The following ALPK3 variants were observed in gnomAD, a reference collection of about 807,000 sequenced individuals.
ALPK3 encodes the protein alpha kinase 3, also known as alpha-protein kinase 3.
Under a neutral mutation model 140.0 loss-of-function variants are expected in ALPK3, and 102 were observed. The observed-to-expected ratio is 0.73, with a 90% CI of 0.62 to 0.86. ALPK3 has a LOEUF of 0.86. ALPK3 is among the 40% of genes least tolerant of loss of function. The pLI, the probability that ALPK3 is intolerant of heterozygous loss-of-function variation, is 0.00. For synonymous variants in ALPK3, 938 were observed against 898.5 expected, an observed-to-expected ratio of 1.04 and a Z score of -0.79; for missense variants, 2,254 against 2,208.2, an observed-to-expected ratio of 1.02 and a Z score of -0.42.
Position 84,860,055 on chromosome 15 carries a change from C to T in ALPK3, c.4112C>T (p.Ser1371Phe). ...TATCTAGTGTTGTCAGGATTCATCT[C>T]CAGAGAAGAAGGTGAAGGTATGGTT... ...LSPEVLSGFI[S>F]REEGEVGEEI... Residue 1371 changes from serine to phenylalanine, a missense_variant, in exon 9 of 14, where the codon TCC (serine) becomes TTC (phenylalanine). Coordinates refer to ENST00000258888, the MANE Select transcript of ALPK3 (RefSeq NM_020778.5). 6.2e-7 allele frequency: 1 copy of T among 1,614,118 alleles called. No homozygotes were observed. Among genetic ancestry groups the T allele is most frequent in the Non-Finnish European group, 8.5e-7 (1 of 1,180,010 alleles).
intron 5 of ALPK3, among the ~76,000 whole-genome samples, chr15:84,849,896 C>T (rs1963781503): frequency 6.8e-6 from 1 of 146,350 alleles, no homozygotes; most frequent in Non-Finnish European, 1.5e-5. Context: ...TAGAAAAGAA[C>T]AGAAAATAAT....
At chr15:84,829,529 C>T (rs1030414769) in intron 3 of ALPK3, among the ~76,000 whole-genome samples, 2 of 152,060 alleles carry the variant, frequency 1.3e-5, no homozygotes, top group South Asian at 2.1e-4. Context: ...AGGGCGACTC[C>T]GTTTCTGTAA....
chr15:84,859,431 A>G (rs1206534406), intron 7 of ALPK3, 41 bp downstream of exon 7: 2 of 1,610,626 alleles, frequency 1.2e-6, no homozygotes, highest in South Asian at 2.2e-5. Flanking sequence ...TGGCTCCCTG[A>G]TTGCAGTAAT....
At chr15:84,860,144 C>A in intron 9 of ALPK3, 72 bp downstream of exon 9, 1 of 1,561,914 alleles carries the variant, frequency 6.4e-7, no homozygotes, top group South Asian at 1.1e-5. Flanking sequence ...TCTTTAAGGG[C>A]TTGGAATCTG....
intron 9 of ALPK3, among the ~76,000 whole-genome samples, chr15:84,860,458 T>C (rs1335867976): frequency 6.6e-6 from 1 of 152,146 alleles, no homozygotes; most frequent in East Asian, 1.9e-4. Context: ...TGGTCCCTGC[T>C]GCACTGCAGA....
chr15:84,837,824 T>G (rs1963612051), intron 3 of ALPK3, among the ~76,000 whole-genome samples: 1 of 152,238 alleles, frequency 6.6e-6, no homozygotes, highest in Non-Finnish European at 1.5e-5. Context: ...CATCTCTCAC[T>G]GTAGTGTTTG....
intron 5 of ALPK3, among the ~76,000 whole-genome samples, chr15:84,846,045 G>C (rs561591465): frequency 5.3e-5 from 8 of 152,044 alleles, no homozygotes; most frequent in African/African-American, 1.7e-4. Context: ...TCCAGCCTGG[G>C]TGACAGAGTA....
At chr15:84,822,654 G>A (rs1963440630) in intron 1 of ALPK3, among the ~76,000 whole-genome samples, 1 of 152,116 alleles carries the variant, frequency 6.6e-6, no homozygotes, top group South Asian at 2.1e-4. Context: ...TCCTGTGTGG[G>A]TCCTCATCCT....
At position 84,870,894 on chromosome 15, in the gene ALPK3, G is replaced by A. The variant is rs998025696; in HGVS notation, c.*2438G>A. 3 of 152,172 alleles carry A rather than the reference G, an allele frequency of 2.0e-5. No homozygotes were observed. The highest frequency in any genetic ancestry group is 4.8e-5 in the African/African-American group (2 of 41,410). 9.4% of individuals were successfully genotyped at this position (152,172 alleles called of 1,614,324 possible). On this transcript the variant is annotated 3_prime_UTR_variant, in exon 14 of 14. Coordinates refer to ENST00000258888, the MANE Select transcript of ALPK3 (RefSeq NM_020778.5). ...CACACGTGCTGTTCTCCCATCTCAC[G>A]TATGACGACTCTCCCACAGGTAACC...
chr15:84,823,448 G>T, intron 2 of ALPK3, 80 bp downstream of exon 2: 3 of 1,516,954 alleles, frequency 2.0e-6, no homozygotes, highest in Non-Finnish European at 9.1e-7. Context: ...GTGTCTGCTC[G>T]TGCACTAACC....
At chr15:84,832,081 G>T (rs1443361689) in intron 3 of ALPK3, among the ~76,000 whole-genome samples, 2 of 152,196 alleles carry the variant, frequency 1.3e-5, no homozygotes, top group Non-Finnish European at 2.9e-5. Context: ...CTGTGGTGGG[G>T]AAGGAGCAGT....
intron 5 of ALPK3, among the ~76,000 whole-genome samples, chr15:84,848,409 A>T (rs930575145): frequency 6.6e-6 from 1 of 152,168 alleles, no homozygotes; most frequent in East Asian, 1.9e-4. Flanking sequence ...TAGACTGTGG[A>T]GAGTTAAGTA....
chr15:84,820,752 G>A (rs1258995721), intron 1 of ALPK3, among the ~76,000 whole-genome samples: 1 of 152,156 alleles, frequency 6.6e-6, no homozygotes, highest in African/African-American at 2.4e-5. Context: ...AAAGTGCTGG[G>A]ATTACAGGCA....
chr15:84,857,103 A>T lies in ALPK3; in HGVS notation c.2365A>T (p.Thr789Ser). ...AACAGCCTCCAGGAACCATGAGCAA[A>T]CTGTGCTGGGTCCCCTGTCAGGGAA... Reference protein sequence around the residue: ...VVTASRNHEQTVLGPLSGNLM... With the variant: ...VVTASRNHEQSVLGPLSGNLM... The change falls in exon 6 of 14, where the codon ACT becomes TCT. Residue 789 changes from threonine (T) to serine (S), a missense_variant. Transcript: ENST00000258888. 5.6e-6 allele frequency: 9 copies of T among 1,614,152 alleles called. No homozygotes were observed. Among genetic ancestry groups the T allele is most frequent in the Middle Eastern group, 1.6e-4 (1 of 6,062 alleles).
Position 84,827,547 on chromosome 15 carries a change from G to A in ALPK3, c.246G>A (p.Thr82=), listed in dbSNP as rs762694867. Residue 82 remains threonine, a synonymous_variant, in exon 3 of 14, where the codon ACG becomes ACA. Coordinates refer to ENST00000258888, the MANE Select transcript of ALPK3 (RefSeq NM_020778.5). ...TEETQPLFET[T]LKSRSVSEDS... is the part of the protein sequence containing the mutation. ...AGACCCAGCCGCTATTTGAGACCAC[G>A]CTCAAGTCCCGGTCTGTGTCCGAGG... 1.4e-5 allele frequency: 23 copies of A among 1,614,054 alleles called. No homozygotes were observed. Among genetic ancestry groups the A allele is most frequent in the Non-Finnish European group, 1.8e-5 (21 of 1,180,034 alleles).
At chr15:84,860,833 G>A (rs758526086) in intron 9 of ALPK3, among the ~76,000 whole-genome samples, 3 of 152,162 alleles carry the variant, frequency 2.0e-5, no homozygotes, top group Admixed American at 6.5e-5. Context: ...AGCAATTCTC[G>A]TGCCTCAGCC....
chr15:84,857,389 G>A lies in ALPK3; in HGVS notation c.2651G>A (p.Cys884Tyr), dbSNP rs369776342. 2 of 1,614,006 alleles carry A rather than the reference G, an allele frequency of 1.2e-6. No individual in the cohort carries two copies. Among genetic ancestry groups the A allele is most frequent in the Admixed American group, 1.7e-5 (1 of 60,014 alleles). ...ACAGCTAGCCCAAAGGCGGGGCCGT[G>A]TAGCACCCCGACTTCTCAGCACGGG... is the stretch of plus-strand genomic sequence containing the variant. ...GLTASPKAGP[C>Y]STPTSQHGST... The change falls in exon 6 of 14, where the codon TGT (cysteine) becomes TAT (tyrosine). Residue 884 changes from cysteine (C) to tyrosine (Y), a missense_variant. By Grantham distance (194) the Cys-to-Tyr change is radical (BLOSUM62 -2). Around this residue, in one of 3 missense-constraint regions of ALPK3, gnomAD observed 2,088 missense variants for 2,022.9 expected, o/e 1.03. Coordinates refer to ENST00000258888, the MANE Select transcript of ALPK3 (RefSeq NM_020778.5).
chr15:84,847,236 A>AGAGAGAGAGAGAGAGAGAGAGAGG (rs1963742788), intron 5 of ALPK3, among the ~76,000 whole-genome samples: 1 of 151,414 alleles, frequency 6.6e-6, no homozygotes, highest in African/African-American at 2.4e-5. Flanking sequence ...AGAGAGAGAG[A>AGAGAGAGAGAGAGAGAGAGAGAGG]GAGAGAGAGA....
At chr15:84,820,809 A>G (rs1224380019) in intron 1 of ALPK3, among the ~76,000 whole-genome samples, 4 of 152,090 alleles carry the variant, frequency 2.6e-5, no homozygotes, top group African/African-American at 7.2e-5. Context: ...TTTTTTATAA[A>G]GATGGGGTCT....
Sources: gnomAD v4.1 joint callset for allele counts (sites outside exome capture counted in the v4.1 genomes callset) on GRCh38, gnomAD v4.1.1 for gene constraint, gnomAD v4.1.1 regional missense constraint, MANE v1.5 for transcripts, NCBI Gene and HGNC (gene_info 2026-07-23, HGNC 2026-07-21) for gene names.